Variants in NEGR1 observed in about 807,000 individuals in gnomAD.
NEGR1 encodes IgLON family member 4.
A neutral mutation model predicts 40.9 loss-of-function variants in NEGR1; 10 were observed. The ratio of observed to expected loss-of-function variants is 0.24; its 90% CI spans 0.15 to 0.42. The LOEUF (loss-of-function observed/expected upper bound fraction) is 0.42. NEGR1 is among the 10% of genes least tolerant of loss of function. The probability of loss-of-function intolerance (pLI) is 1.00; values close to 1 mark genes in which losing one functional copy is unlikely to be tolerated. For synonymous variants in NEGR1, 185 were observed against 166.8 expected, an observed-to-expected ratio of 1.11 and a Z score of -0.84; for missense variants, 352 against 438.9, an observed-to-expected ratio of 0.80 and a Z score of 1.77.
At chr1:71,944,034 G>T (rs924633827) in intron 1 of NEGR1, among the ~76,000 whole-genome samples, 1 of 152,164 alleles carries the variant, frequency 6.6e-6, no homozygotes, top group African/African-American at 2.4e-5. Context: ...AAATTTCTTT[G>T]TCATCTCTAC....
At chr1:72,275,482 A>T (rs879665359) in intron 1 of NEGR1, among the ~76,000 whole-genome samples, 1 of 152,098 alleles carries the variant, frequency 6.6e-6, no homozygotes, top group Non-Finnish European at 1.5e-5. Flanking sequence ...CCTAGGGAAA[A>T]AAAACAATAA....
At chr1:71,969,451 G>T (rs911343578) in intron 1 of NEGR1, among the ~76,000 whole-genome samples, 78 of 152,156 alleles carry the variant, frequency 5.1e-4, no homozygotes, top group Non-Finnish European at 4.3e-4. Context: ...TCTAGAAAAA[G>T]CATATGGGTA....
intron 4 of NEGR1, among the ~76,000 whole-genome samples, chr1:71,619,345 T>C (rs1374731914): frequency 6.6e-6 from 1 of 152,126 alleles, no homozygotes; most frequent in Non-Finnish European, 1.5e-5. Flanking sequence ...TCTGTGAATT[T>C]TGGCCTGGCA....
chr1:71,435,252 T>G (rs1359519877), intron 6 of NEGR1, among the ~76,000 whole-genome samples: 1 of 152,154 alleles, frequency 6.6e-6, no homozygotes, highest in East Asian at 1.9e-4. Flanking sequence ...GAGTCATACC[T>G]TTAGTCTCTA....
intron 2 of NEGR1, among the ~76,000 whole-genome samples, chr1:71,862,271 G>A (rs1200219125): frequency 2.0e-5 from 3 of 152,060 alleles, no homozygotes; most frequent in African/African-American, 7.2e-5. Context: ...AAAAAGGGAA[G>A]TGAACCTAGG....
intron 6 of NEGR1, among the ~76,000 whole-genome samples, chr1:71,505,974 A>AG (rs1569960786): frequency 6.6e-6 from 1 of 152,144 alleles, no homozygotes; most frequent in Non-Finnish European, 1.5e-5. Flanking sequence ...CAATTTTTAG[A>AG]GAAAAAAAAG....
At chr1:72,092,801 C>T (rs896087794) in intron 1 of NEGR1, among the ~76,000 whole-genome samples, 26 of 151,990 alleles carry the variant, frequency 1.7e-4, no homozygotes, top group Non-Finnish European at 4.4e-5. Context: ...CAGATGTGCA[C>T]CACCAGTCCC....
intron 6 of NEGR1, among the ~76,000 whole-genome samples, chr1:71,590,828 C>T (rs1159144008): frequency 6.6e-6 from 1 of 152,104 alleles, no homozygotes; most frequent in Non-Finnish European, 1.5e-5. Context: ...AAAACTCATT[C>T]ACTCATTTAT....
intron 2 of NEGR1, among the ~76,000 whole-genome samples, chr1:71,839,002 A>C (rs996631129): frequency 6.6e-6 from 1 of 152,062 alleles, no homozygotes; most frequent in Admixed American, 6.6e-5. Context: ...TTCTTATAGT[A>C]ATCATCACCT....
chr1:71,493,747 A>G (rs763876547), intron 6 of NEGR1, among the ~76,000 whole-genome samples: 1 of 152,194 alleles, frequency 6.6e-6, no homozygotes, highest in East Asian at 1.9e-4. Flanking sequence ...ACCAAATTCA[A>G]GTATCTTAAA....
Position 71,706,301 on chromosome 1 carries a change from G to A in NEGR1, c.536-8162C>T, listed in dbSNP as rs370204823. On this transcript the variant is annotated intron_variant, in intron 3 of 6. Coordinates refer to ENST00000357731, the MANE Select transcript of NEGR1 (RefSeq NM_173808.3). ...GGAGGATTTAAACCAGCCCTAGCCA[G>A]AGGGGAATTGCCAGTCCAAGTGGTT... Among the ~76,000 whole-genome samples the A allele has an allele frequency of 4.5e-4, 68 of 152,292 alleles. 2 individuals carry two copies. In the South Asian group the frequency reaches 0.013, roughly 30 times the overall value.
At chr1:71,466,939 A>C (rs1476448208) in intron 6 of NEGR1, among the ~76,000 whole-genome samples, 1 of 152,122 alleles carries the variant, frequency 6.6e-6, no homozygotes, top group African/African-American at 2.4e-5. Flanking sequence ...TCAACTCTGT[A>C]GTATAAATTG....
chr1:71,809,576 A>T (rs1410401039), intron 2 of NEGR1, among the ~76,000 whole-genome samples: 1 of 152,182 alleles, frequency 6.6e-6, no homozygotes, highest in Non-Finnish European at 1.5e-5. Context: ...ACCACAATCT[A>T]AAAATCCTTC....
At chr1:72,060,472 A>G (rs1306613218) in intron 1 of NEGR1, among the ~76,000 whole-genome samples, 1 of 151,662 alleles carries the variant, frequency 6.6e-6, no homozygotes, top group Non-Finnish European at 1.5e-5. Flanking sequence ...TAACCTAACC[A>G]TGTTAATCTC....
intron 1 of NEGR1, among the ~76,000 whole-genome samples, chr1:72,001,034 CAT>C (rs1212054565): frequency 6.6e-6 from 1 of 152,044 alleles, no homozygotes; most frequent in Non-Finnish European, 1.5e-5. Flanking sequence ...TCCCCCGACA[CAT>C]GTGTAGTAAA....
At chr1:72,262,747 T>G (rs1655501350) in intron 1 of NEGR1, among the ~76,000 whole-genome samples, 1 of 151,952 alleles carries the variant, frequency 6.6e-6, no homozygotes, top group Non-Finnish European at 1.5e-5. Flanking sequence ...TTGAAGATAT[T>G]TGTCTTCTAA....
intron 1 of NEGR1, among the ~76,000 whole-genome samples, chr1:71,966,941 A>T (rs144288166): frequency 1.4e-3 from 213 of 152,320 alleles, no homozygotes; most frequent in African/African-American, 4.9e-3. Context: ...CATGCTCACA[A>T]CTTAGAAGAA....
At chr1:71,843,414 C>T (rs1272538388) in intron 2 of NEGR1, among the ~76,000 whole-genome samples, 1 of 152,102 alleles carries the variant, frequency 6.6e-6, no homozygotes, top group Admixed American at 6.6e-5. Flanking sequence ...GAACAGAAGT[C>T]GAGGCTATTG....
intron 1 of NEGR1, among the ~76,000 whole-genome samples, chr1:71,998,137 C>A (rs1413880327): frequency 5.3e-5 from 8 of 151,842 alleles, no homozygotes; most frequent in Admixed American, 5.3e-4. Context: ...AGTCAACAAC[C>A]TGATTTTGCA....
Sources: allele counts gnomAD v4.1 joint callset (sites outside exome capture counted in the v4.1 genomes callset), GRCh38; gene constraint gnomAD v4.1.1; transcripts MANE v1.5; gene names NCBI Gene and HGNC (gene_info 2026-07-23, HGNC 2026-07-21).